TAOK1: variants seen among roughly 807,000 people sequenced by gnomAD.
TAOK1 encodes serine/threonine-protein kinase TAO1.
A neutral mutation model predicts 138.3 loss-of-function variants in TAOK1; 21 were observed. The ratio of observed to expected loss-of-function variants is 0.15; its 90% CI spans 0.11 to 0.22. The LOEUF (loss-of-function observed/expected upper bound fraction) is 0.22, where lower values mean the gene tolerates loss of function less well. TAOK1 is among the 10% of genes least tolerant of loss of function. The probability of loss-of-function intolerance (pLI) is 1.00; values close to 1 mark genes in which losing one functional copy is unlikely to be tolerated. For synonymous variants in TAOK1, 361 were observed against 398.4 expected (o/e 0.91, Z 1.12); for missense variants, 651 against 1,227.7 (o/e 0.53, Z 7.02).
chr17:29,521,576 CT>C (rs988889361), intron 16 of TAOK1, among the ~76,000 whole-genome samples: 6 of 152,104 alleles, frequency 3.9e-5, no homozygotes, highest in Non-Finnish European at 8.8e-5. Flanking sequence ...GTATAGCTCT[CT>C]AGTGTCCATG....
rs2030234450 is a variant in TAOK1, at chr17:29,451,504, A to T, written c.-45A>T. On this transcript the variant is annotated 5_prime_UTR_variant, in exon 2 of 20. Coordinates refer to ENST00000261716, the MANE Select transcript of TAOK1 (RefSeq NM_020791.4). ...TCATACAGATGAACCAAGGATCGGG[A>T]TAGCAGTATAAAATTAGAATCAAGA... 6.3e-7 allele frequency: 1 copy of T among 1,575,456 alleles called. No homozygotes were observed. The highest frequency in any genetic ancestry group is 8.6e-7 in the Non-Finnish European group (1 of 1,162,980).
At position 29,491,870 on chromosome 17, in the gene TAOK1, G is replaced by A; in HGVS notation, c.831+5G>A. On this transcript the variant is annotated splice_donor_5th_base_variant and intron_variant, in intron 10 of 19. Transcript: ENST00000261716. The stretch of plus-strand genomic sequence containing the variant: ...ACATCAGAGGAACTTTTAAAGGTCA[G>A]TTCTATTATAGTTTATTTATTTATT... The A allele has an allele frequency of 2.5e-6, 4 of 1,596,086 alleles. No individual in the cohort carries two copies. The highest frequency in any genetic ancestry group is 2.6e-6 in the Non-Finnish European group (3 of 1,165,626).
chr17:29,510,787 G>A (rs772341985), intron 14 of TAOK1, 77 bp from the exon 15 acceptor site: 9 of 1,013,172 alleles, frequency 8.9e-6, no homozygotes, highest in Non-Finnish European at 1.2e-5. Context: ...AAAATAAAAG[G>A]TATTCTTAAT....
At chr17:29,417,545 C>T (rs1274480344) in intron 1 of TAOK1, among the ~76,000 whole-genome samples, 1 of 152,136 alleles carries the variant, frequency 6.6e-6, no homozygotes, top group African/African-American at 2.4e-5. Context: ...GGAATGAAAT[C>T]AAGGGTCACC....
At chr17:29,427,964 G>T (rs1905699818) in intron 1 of TAOK1, among the ~76,000 whole-genome samples, 1 of 151,018 alleles carries the variant, frequency 6.6e-6, no homozygotes, top group Non-Finnish European at 1.5e-5. Flanking sequence ...TTTATTATAA[G>T]ACTATTAAGT....
chr17:29,412,603 G>A lies in TAOK1; in HGVS notation c.-95+21579G>A, dbSNP rs544414596. Among the ~76,000 whole-genome samples the A allele has an allele frequency of 1.4e-3, 210 of 152,198 alleles. 1 individual carries two copies. Among genetic ancestry groups the A allele is most frequent in the African/African-American group, 4.8e-3 (200 of 41,542 alleles). On this transcript the variant is annotated intron_variant, in intron 1 of 19. Coordinates refer to ENST00000261716, the MANE Select transcript of TAOK1 (RefSeq NM_020791.4). ...ACTTAATTGTCTTAGCTTTTACTAG[G>A]ACTATGGTTATTTTGTGTCCCTCCC...
intron 2 of TAOK1, among the ~76,000 whole-genome samples, chr17:29,464,339 G>C (rs2030603189): frequency 6.6e-6 from 1 of 151,380 alleles, no homozygotes; most frequent in African/African-American, 2.4e-5. Context: ...AGCTACTCAG[G>C]AGGCTGAGGC....
At chr17:29,533,281 A>G (rs1364333415) in intron 18 of TAOK1, among the ~76,000 whole-genome samples, 66 of 107,636 alleles carry the variant, frequency 6.1e-4, no homozygotes, top group South Asian at 1.0e-3. Context: ...CCTAGATGGG[A>G]TGGCGGCCGG....
intron 1 of TAOK1, among the ~76,000 whole-genome samples, chr17:29,392,535 A>T (rs2153019272): frequency 6.6e-6 from 1 of 152,318 alleles, no homozygotes; most frequent in African/African-American, 2.4e-5. Context: ...GTAGAAATAA[A>T]AATTTAAACA....
At chr17:29,430,511 G>A (rs186316684) in intron 1 of TAOK1, among the ~76,000 whole-genome samples, 1,638 of 152,274 alleles carry the variant, frequency 0.011, 36 homozygotes, top group African/African-American at 0.037. Flanking sequence ...AGTTGCAAAC[G>A]AAGACTCCAC....
At position 29,427,365 on chromosome 17, in the gene TAOK1, C is replaced by G. The variant is rs1352024968; in HGVS notation, c.-94-24090C>G. ...ATCCTAGCACTTTGGGAGGCTAAGG[C>G]GGGTGGATCACTTGAGGTCAGGAGT... On this transcript the variant is annotated intron_variant, in intron 1 of 19. Coordinates refer to ENST00000261716, the MANE Select transcript of TAOK1 (RefSeq NM_020791.4). Among the ~76,000 whole-genome samples the G allele has an allele frequency of 2.0e-5, 3 of 148,894 alleles. No individual in the cohort carries two copies. In the South Asian group the frequency reaches 6.4e-4, roughly 32 times the overall value.
intron 1 of TAOK1, among the ~76,000 whole-genome samples, chr17:29,425,943 C>T (rs567723118): frequency 7.6e-4 from 116 of 152,250 alleles, no homozygotes; most frequent in Non-Finnish European, 1.4e-3. Context: ...TGCAGTGGCG[C>T]GATCTCGGCT....
At chr17:29,448,770 G>A (rs1427275135) in intron 1 of TAOK1, among the ~76,000 whole-genome samples, 3 of 152,162 alleles carry the variant, frequency 2.0e-5, no homozygotes. Context: ...AGATAATTAA[G>A]TATATTGTTT....
intron 3 of TAOK1, among the ~76,000 whole-genome samples, chr17:29,472,771 T>C (rs187861999): frequency 5.0e-4 from 76 of 151,500 alleles, no homozygotes; most frequent in Middle Eastern, 3.5e-3. Context: ...AGACAGGGTT[T>C]CTCCATGTCG....
rs935230443 is a variant in TAOK1 at position 29,549,687 on chromosome 17, G to A, written c.*6665G>A. 1.3e-5 allele frequency: 2 copies of A among 152,044 alleles called. No individual in the cohort carries two copies. Among genetic ancestry groups the A allele is most frequent in the Non-Finnish European group, 2.9e-5 (2 of 68,022 alleles). The allele number at this position is 152,044 out of a possible 1,614,324, so 9.4% of individuals were successfully genotyped here. A position where few individuals can be genotyped will look rare whatever the true frequency, so the allele number is the denominator to read the frequency against. ...CATTTGTCTCGTATCCAAAAACCCC[G>A]GGGCTATTGGAACCCTTCCAACACT... On this transcript the variant is annotated 3_prime_UTR_variant, in exon 20 of 20. Transcript: ENST00000261716.
At chr17:29,504,043 G>A (rs146030667) in intron 13 of TAOK1, among the ~76,000 whole-genome samples, 134 of 151,856 alleles carry the variant, frequency 8.8e-4, no homozygotes, top group African/African-American at 2.8e-3. Flanking sequence ...CCCGGGAGGC[G>A]GAGGCTGCAG....
At chr17:29,500,135 A>G (rs930334918) in intron 12 of TAOK1, among the ~76,000 whole-genome samples, 2 of 152,046 alleles carry the variant, frequency 1.3e-5, no homozygotes, top group African/African-American at 4.8e-5. Context: ...CAACATGGTG[A>G]AACCCTGTCT....
At chr17:29,465,583 T>A (rs975830652) in intron 2 of TAOK1, among the ~76,000 whole-genome samples, 1 of 152,148 alleles carries the variant, frequency 6.6e-6, no homozygotes, top group African/African-American at 2.4e-5. Context: ...AGTTCAATTA[T>A]TTTTAGTAGA....
At chr17:29,489,537 C>G (rs1462797839) in intron 8 of TAOK1, 127 bp from the exon 9 acceptor site, 4 of 613,316 alleles carry the variant, frequency 6.5e-6, no homozygotes, top group Non-Finnish European at 1.1e-5. Context: ...ACTCTACTTG[C>G]AATTTTTTGT....
Sources: gnomAD v4.1 joint callset for allele counts (sites outside exome capture counted in the v4.1 genomes callset) on GRCh38, gnomAD v4.1.1 for gene constraint, MANE v1.5 for transcripts, NCBI Gene and HGNC (gene_info 2026-07-23, HGNC 2026-07-21) for gene names.